Variants in OSBPL2 observed in about 807,000 individuals in gnomAD.
OSBPL2 encodes the protein oxysterol binding protein like 2, also known as oxysterol-binding protein-related protein 2.
In OSBPL2, 18 loss-of-function variants were observed where a neutral mutation model predicts 58.4. The observed-to-expected ratio is 0.31, with a 90% CI of 0.21 to 0.46. OSBPL2 has a LOEUF of 0.46. Ranked by LOEUF, OSBPL2 falls within the 20% of genes least tolerant of loss-of-function variation. The probability of loss-of-function intolerance (pLI) is 1.00; values close to 1 mark genes in which losing one functional copy is unlikely to be tolerated. For synonymous variants in OSBPL2, 221 were observed against 234.1 expected (o/e 0.94, Z 0.51); for missense variants, 461 against 616.5 (o/e 0.75, Z 2.67).
At chr20:62,256,955 C>T (rs544337789) in intron 2 of OSBPL2, among the ~76,000 whole-genome samples, 1 of 152,358 alleles carries the variant, frequency 6.6e-6, no homozygotes, top group Admixed American at 6.5e-5. Flanking sequence ...CTTGTTTTTT[C>T]TGGAAAGGAC....
chr20:62,262,354 G>C (rs115835509), intron 3 of OSBPL2, among the ~76,000 whole-genome samples: 1,747 of 152,280 alleles, frequency 0.011, 28 homozygotes, highest in African/African-American at 0.04. Context: ...AGCTCCCTCT[G>C]CTCCCTTGGC....
intron 12 of OSBPL2, among the ~76,000 whole-genome samples, chr20:62,290,529 G>A (rs1465868387): frequency 2.1e-5 from 3 of 142,570 alleles, no homozygotes; most frequent in African/African-American, 7.8e-5. Flanking sequence ...CCATTCTCCT[G>A]CCTCAGCCTC....
chr20:62,241,095 G>A (rs1979698187), intron 1 of OSBPL2, among the ~76,000 whole-genome samples: 1 of 152,150 alleles, frequency 6.6e-6, no homozygotes, highest in South Asian at 2.1e-4. Flanking sequence ...CTGTTTGAAT[G>A]TGAAAAAAAT....
Position 62,296,143 on chromosome 20 carries a change from T to C in OSBPL2, c.*2256T>C, listed in dbSNP as rs1455195346. The C allele has an allele frequency of 6.6e-6, 1 of 152,270 alleles. No homozygotes were observed. Among genetic ancestry groups the C allele is most frequent in the Non-Finnish European group, 1.5e-5 (1 of 68,042 alleles). 9.4% of individuals were successfully genotyped at this position (152,270 alleles called of 1,614,324 possible). On this transcript the variant is annotated 3_prime_UTR_variant, in exon 14 of 14. Coordinates refer to ENST00000313733, the MANE Select transcript of OSBPL2 (RefSeq NM_144498.4). ...TAACTTTTGTCACCTTGGATATCTA[T>C]TGAATGTTAAACATCTCTAATAAAG...
intron 6 of OSBPL2, among the ~76,000 whole-genome samples, chr20:62,276,886 C>T (rs1982415274): frequency 6.6e-6 from 1 of 152,236 alleles, no homozygotes; most frequent in Non-Finnish European, 1.5e-5. Context: ...GTCCTCTGGT[C>T]AGCGTGCTGT....
At chr20:62,289,920 C>CA (rs1983380761) in intron 12 of OSBPL2, among the ~76,000 whole-genome samples, 2 of 152,118 alleles carry the variant, frequency 1.3e-5, no homozygotes, top group Admixed American at 1.3e-4. Context: ...CAAACAACAA[C>CA]AACAAAAAAC....
At chr20:62,252,410 C>A (rs1029813983) in intron 1 of OSBPL2, among the ~76,000 whole-genome samples, 2 of 152,152 alleles carry the variant, frequency 1.3e-5, no homozygotes, top group Non-Finnish European at 2.9e-5. Context: ...ACTGCACCCC[C>A]ACGTTCGCAG....
intron 1 of OSBPL2, among the ~76,000 whole-genome samples, chr20:62,255,597 G>A (rs1161605853): frequency 2.0e-5 from 3 of 152,140 alleles, no homozygotes; most frequent in Non-Finnish European, 4.4e-5. Flanking sequence ...TCTGCCTCCC[G>A]AGTTCAAGAG....
Position 62,296,052 on chromosome 20 carries a change from G to C in OSBPL2, c.*2165G>C, listed in dbSNP as rs1015792529. ...GATGGCAAAAGCGGCTGTGTGTCGA[G>C]GTTATTTTAACTTTTTACTACTTTT... is the stretch of plus-strand genomic sequence containing the variant. On this transcript the variant is annotated 3_prime_UTR_variant, in exon 14 of 14. Transcript: ENST00000313733. The C allele has an allele frequency of 2.0e-5, 3 of 152,198 alleles. No homozygotes were observed. The highest frequency in any genetic ancestry group is 7.2e-5 in the African/African-American group (3 of 41,440). 9.4% of individuals were successfully genotyped at this position (152,198 alleles called of 1,614,324 possible).
Position 62,238,586 on chromosome 20 carries a change from A to ACCCGCGTCCAGGTGAGTGGCC in OSBPL2, c.-134_-129+15dup, listed in dbSNP as rs1303650997. ...AGTGAGCTCGGCCGGCAACCGAGGG[A>ACCCGCGTCCAGGTGAGTGGCC]CCCGCGTCCAGGTGAGTGGCCCCCG... On this transcript the variant is annotated 5_prime_UTR_variant, in exon 1 of 14. Coordinates refer to ENST00000313733, the MANE Select transcript of OSBPL2 (RefSeq NM_144498.4). 4.8e-5 allele frequency: 7 copies of ACCCGCGTCCAGGTGAGTGGCC among 146,296 alleles called. No homozygotes were observed. The highest frequency in any genetic ancestry group is 7.5e-5 in the Non-Finnish European group (5 of 66,304). 9.1% of individuals were successfully genotyped at this position (146,296 alleles called of 1,614,324 possible).
intron 9 of OSBPL2, among the ~76,000 whole-genome samples, chr20:62,283,428 C>A (rs751250908): frequency 6.6e-6 from 1 of 152,054 alleles, no homozygotes; most frequent in African/African-American, 2.4e-5. Flanking sequence ...CAGCAAGAGG[C>A]GAAAGGAGAA....
At position 62,272,205 on chromosome 20, in the gene OSBPL2, C is replaced by T. The variant is rs370529394; in HGVS notation, c.339C>T (p.His113=). ...AGCGGATCACGGAGTACATGGAGCA[C>T]GTGTACCTCATCCACAGGGCCTCCT... is the stretch of plus-strand genomic sequence containing the variant. ...FLQRITEYME[H]VYLIHRASCQ... The change falls in exon 5 of 14, where the codon CAC becomes CAT. Residue 113 remains histidine (H), a synonymous_variant. Coordinates refer to ENST00000313733, the MANE Select transcript of OSBPL2 (RefSeq NM_144498.4). The T allele has an allele frequency of 8.5e-5, 137 of 1,613,644 alleles. No homozygotes were observed. Among genetic ancestry groups the T allele is most frequent in the African/African-American group, 1.7e-4 (13 of 74,876 alleles).
At chr20:62,283,984 A>T in intron 9 of OSBPL2, 62 bp from the exon 10 acceptor site, 1 of 1,511,640 alleles carries the variant, frequency 6.6e-7, no homozygotes, top group Non-Finnish European at 9.1e-7. Flanking sequence ...AGGGTGCCAC[A>T]TGTTTAGACA....
At chr20:62,241,619 C>T (rs180789298) in intron 1 of OSBPL2, among the ~76,000 whole-genome samples, 53 of 152,382 alleles carry the variant, frequency 3.5e-4, no homozygotes, top group African/African-American at 1.3e-3. Flanking sequence ...GGTGGTGCGC[C>T]AGACCAGGGC....
intron 6 of OSBPL2, 196 bp from the exon 7 acceptor site, chr20:62,278,961 T>TTG (rs199834778): frequency 1.8e-6 from 1 of 551,998 alleles, no homozygotes; most frequent in South Asian, 2.3e-5. Flanking sequence ...GATGTCATGT[T>TTG]TGTGTGTGTG....
In OSBPL2 at chr20:62,251,221, A is replaced by G. The variant is rs146351682; in HGVS notation, c.-128-4836A>G. 4.9e-3 allele frequency among the ~76,000 whole-genome samples: 744 copies of G among 150,364 alleles called. 5 individuals are homozygous for G. The highest frequency in any genetic ancestry group is 0.017 in the African/African-American group (714 of 40,916). ...ACTGCGCCGGCCACCACGCCCGGCT[A>G]ATTTTTTGTTTTTTAGTAGAGACAG... is the stretch of plus-strand genomic sequence containing the variant. On this transcript the variant is annotated intron_variant, in intron 1 of 13. Transcript: ENST00000313733.
At chr20:62,249,823 C>T (rs1229579736) in intron 1 of OSBPL2, among the ~76,000 whole-genome samples, 1 of 152,242 alleles carries the variant, frequency 6.6e-6, no homozygotes, top group African/African-American at 2.4e-5. Flanking sequence ...ATCCACCCGC[C>T]TCAGCCTCCC....
intron 4 of OSBPL2, among the ~76,000 whole-genome samples, chr20:62,267,129 C>G (rs1220939574): frequency 3.3e-5 from 5 of 152,232 alleles, no homozygotes; most frequent in Non-Finnish European, 7.3e-5. Flanking sequence ...CCTGGGCTCC[C>G]AGCTACTCGG....
intron 12 of OSBPL2, 160 bp from the exon 13 acceptor site, chr20:62,291,543 C>T (rs2145981731): frequency 4.2e-6 from 3 of 706,630 alleles, no homozygotes; most frequent in Non-Finnish European, 7.5e-6. Flanking sequence ...GCTGTGGCCT[C>T]GGCAACTGTG....
Sources: allele counts gnomAD v4.1 joint callset (sites outside exome capture counted in the v4.1 genomes callset), GRCh38; gene constraint gnomAD v4.1.1; transcripts MANE v1.5; gene names NCBI Gene and HGNC (gene_info 2026-07-23, HGNC 2026-07-21).